The following FAM3A variants were observed in gnomAD, a reference collection of about 807,000 sequenced individuals.
FAM3A encodes protein FAM3A.
Under a neutral mutation model 18.1 loss-of-function variants are expected in FAM3A, and 5 were observed. That is an observed-to-expected ratio of 0.28 (90% CI 0.14 to 0.58). The LOEUF is 0.58. Ranked by LOEUF, FAM3A falls within the 20% of genes least tolerant of loss-of-function variation. FAM3A has a pLI of 0.91. For synonymous variants in FAM3A, 108 were observed against 90.2 expected (o/e 1.20, Z -1.12); for missense variants, 154 against 216.6 (o/e 0.71, Z 1.81).
chrX:154,514,240 C>T (rs1173916428), intron 1 of FAM3A, among the ~76,000 whole-genome samples: 2 of 111,576 alleles, frequency 1.8e-5, no homozygotes, highest in Non-Finnish European at 3.8e-5. Context: ...CCTGTAGTGT[C>T]TTTTTATTTT....
rs368392651 is a variant in FAM3A, at chrX:154,508,336, C to T, written c.287G>A (p.Ser96Asn). The T allele has an allele frequency of 9.9e-7, 1 of 1,014,026 alleles. No individual in the cohort carries two copies. Among genetic ancestry groups the T allele is most frequent in the African/African-American group, 2.4e-5 (1 of 42,202 alleles). 83.6% of individuals were successfully genotyped at this position (1,014,026 alleles called of 1,213,427 possible). The change falls in exon 5 of 9, where the codon AGC (serine) becomes AAC (asparagine). Residue 96 changes from serine (S) to asparagine (N), a missense_variant. Physicochemically the swap from Ser to Asn is conservative, Grantham distance 46 (BLOSUM62 1). This residue lies in a region of FAM3A where 112 missense variants were observed against 160.0 expected (regional missense o/e 0.70). Coordinates refer to ENST00000447601, the MANE Select transcript of FAM3A (RefSeq NM_021806.4). The part of the protein sequence containing the change: ...ICLEDKMLMS[S>N]VKDNVGRGLN... ...CCCGCGGCCCACGTTGTCCTTGACG[C>T]TGCTCATCAGCCTAGTTGGGGGGGG...
chrX:154,507,512 A>G, intron 6 of FAM3A, 22 bp from the exon 7 acceptor site: 1 of 1,192,621 alleles, frequency 8.4e-7, no homozygotes, highest in Middle Eastern at 2.6e-4. Context: ...GGTGCCACGG[A>G]ACAGGGGTCA....
At chrX:154,514,306 C>T (rs912735779) in intron 1 of FAM3A, among the ~76,000 whole-genome samples, 2 of 111,349 alleles carry the variant, frequency 1.8e-5, no homozygotes, top group African/African-American at 3.3e-5. Context: ...TGCAATGGCG[C>T]GATGTCGGCT....
At position 154,508,532 on chromosome X, in the gene FAM3A, G is replaced by A. The variant is rs1384966955; in HGVS notation, c.217C>T (p.Arg73Cys). 6 of 1,204,404 alleles carry A rather than the reference G, an allele frequency of 5.0e-6. No individual in the cohort carries two copies. The highest frequency in any genetic ancestry group is 3.0e-5 in the East Asian group (1 of 33,613). ...ACGTTGGCGGCCCCGCTGACCACGC[G>A]GAAGGCCAGGTGCTCCTCAGGACAC... ...QPCPEEHLAF[R>C]VVSGAANVIG... The change falls in exon 4 of 9, where the codon CGC becomes TGC. Residue 73 changes from arginine to cysteine, a missense_variant. Coordinates refer to ENST00000447601, the MANE Select transcript of FAM3A (RefSeq NM_021806.4).
chrX:154,515,754 A>T lies in FAM3A; in HGVS notation c.13+6T>A. On this transcript the variant is annotated splice_donor_region_variant and intron_variant, in intron 1 of 8. Coordinates refer to ENST00000447601, the MANE Select transcript of FAM3A (RefSeq NM_021806.4). ...CTCCCTCCCGTTCGCTGTGGAAGCC[A>T]CCCACCTGCCAACCTCATGTCCACT... is the stretch of plus-strand genomic sequence containing the variant. The T allele has an allele frequency of 8.3e-7, 1 of 1,210,995 alleles. No homozygotes were observed. The highest frequency in any genetic ancestry group is 1.1e-6 in the Non-Finnish European group (1 of 894,929).
In FAM3A at chrX:154,508,327, T is replaced by C; in HGVS notation, c.296A>G (p.Asp99Gly). The C allele has an allele frequency of 1.1e-6, 1 of 893,975 alleles. No homozygotes were observed. The highest frequency in any genetic ancestry group is 2.5e-5 in the South Asian group (1 of 40,603). The allele number at this position is 893,975 out of a possible 1,213,427, so 73.7% of individuals were successfully genotyped here. ...GATGTTCAGCCCGCGGCCCACGTTG[T>C]CCTTGACGCTGCTCATCAGCCTAGT... is the stretch of plus-strand genomic sequence containing the variant. Reference protein sequence around the residue: ...EDKMLMSSVKDNVGRGLNIAL... With the variant: ...EDKMLMSSVKGNVGRGLNIAL... Residue 99 changes from aspartate to glycine, a missense_variant, in exon 5 of 9, where the codon GAC (aspartate) becomes GGC (glycine). Physicochemically the swap from Asp to Gly is moderately conservative, Grantham distance 94. This residue lies in a region of FAM3A where 112 missense variants were observed against 160.0 expected (regional missense o/e 0.70). Coordinates refer to ENST00000447601, the MANE Select transcript of FAM3A (RefSeq NM_021806.4).
chrX:154,507,001 T>A (rs1462544494), intron 8 of FAM3A, 95 bp from the exon 9 acceptor site: 1 of 921,392 alleles, frequency 1.1e-6, no homozygotes, highest in Non-Finnish European at 1.5e-6. Context: ...CTGTGCTGTG[T>A]TGGCCAACGG....
Position 154,506,916 on chromosome X carries a change from G to A in FAM3A, c.598-10C>T. Reference sequence around the variant, plus strand: ...TACTGTTCTTCACGTGCTGTGGGGAGGGGAGCAGAAAGTCATGACTTTGGC... The same window carrying A: ...TACTGTTCTTCACGTGCTGTGGGGAAGGGAGCAGAAAGTCATGACTTTGGC... On this transcript the variant is annotated splice_polypyrimidine_tract_variant and intron_variant, in intron 8 of 8. Coordinates refer to ENST00000447601, the MANE Select transcript of FAM3A (RefSeq NM_021806.4). The A allele has an allele frequency of 2.5e-6, 3 of 1,197,710 alleles. No homozygotes were observed. Among genetic ancestry groups the A allele is most frequent in the Non-Finnish European group, 3.4e-6 (3 of 883,565 alleles).
At chrX:154,507,116 G>A (rs1175446406) in intron 8 of FAM3A, 87 bp downstream of exon 8, 12 of 1,099,135 alleles carry the variant, frequency 1.1e-5, no homozygotes, top group Non-Finnish European at 1.3e-5. Flanking sequence ...CCCTGCTGGG[G>A]CGTGAGCAGC....
chrX:154,511,145 T>G (rs2069848883), intron 3 of FAM3A: 1 of 110,960 alleles, frequency 9.0e-6, no homozygotes, highest in Non-Finnish European at 1.9e-5. Context: ...TGTGGAAAAT[T>G]CTTGGCCTAA....
rs977254631 is a variant in FAM3A, at chrX:154,516,052, C to T, written c.-280G>A. Reference sequence around the variant, plus strand: ...GGGGCTGGGACGAAGATGTGGTTCTCCTGGGCTCGGGCCGTTCCTCCGGGC... The same window carrying T: ...GGGGCTGGGACGAAGATGTGGTTCTTCTGGGCTCGGGCCGTTCCTCCGGGC... On this transcript the variant is annotated 5_prime_UTR_variant, in exon 1 of 9. Transcript: ENST00000447601. The T allele has an allele frequency of 8.4e-5, 29 of 346,312 alleles. No homozygotes were observed. The highest frequency in any genetic ancestry group is 2.5e-5 in the Non-Finnish European group (5 of 199,586). The allele number at this position is 346,312 out of a possible 1,213,427, so 28.5% of individuals were successfully genotyped here. A position where few individuals can be genotyped will look rare whatever the true frequency, so the allele number is the denominator to read the frequency against.
chrX:154,513,756 G>A (rs782726203), intron 1 of FAM3A, among the ~76,000 whole-genome samples: 33 of 110,811 alleles, frequency 3.0e-4, no homozygotes, highest in Non-Finnish European at 5.9e-4. Context: ...TCTCTAGTTC[G>A]CTCTTTCTCC....
At position 154,507,394 on chromosome X, in the gene FAM3A, C is replaced by T. The variant is rs2069604464; in HGVS notation, c.470+12G>A. The T allele has an allele frequency of 1.7e-6, 2 of 1,211,633 alleles. No individual in the cohort carries two copies. The highest frequency in any genetic ancestry group is 5.9e-5 in the East Asian group (2 of 33,851). On this transcript the variant is annotated intron_variant, in intron 7 of 8. Coordinates refer to ENST00000447601, the MANE Select transcript of FAM3A (RefSeq NM_021806.4). ...AAGGGCAAGGCTGAGGCTGGCCTCCCCAAGCACCTACTTGGTGGCTGGGTC... is the reference window on the plus strand; with the variant it reads ...AAGGGCAAGGCTGAGGCTGGCCTCCTCAAGCACCTACTTGGTGGCTGGGTC...
intron 8 of FAM3A, 57 bp downstream of exon 8, chrX:154,507,146 C>T (rs782777380): frequency 6.0e-5 from 69 of 1,158,906 alleles, no homozygotes; most frequent in Non-Finnish European, 7.6e-5. Flanking sequence ...TCGTCGCATG[C>T]AGGCAGAAGG....
rs1557223693 is a variant in FAM3A at position 154,512,879 on chromosome X, C to T, written c.71G>A (p.Ser24Asn). 2 of 1,211,512 alleles carry T rather than the reference C, an allele frequency of 1.7e-6. No homozygotes were observed. The change falls in exon 2 of 9, where the codon AGC (serine) becomes AAC (asparagine). Residue 24 changes from serine to asparagine, a missense_variant. By Grantham distance (46) the Ser-to-Asn change is conservative. Around this residue, in one of 3 missense-constraint regions of FAM3A, gnomAD observed 112 missense variants for 160.0 expected, o/e 0.70. Transcript: ENST00000447601. ...VSVGVTWIVVSILLGGPGSGF... is the reference protein window; with the variant it reads ...VSVGVTWIVVNILLGGPGSGF... Reference sequence around the variant, plus strand: ...ACTGCCAGGCCCACCCAGGAGGATGCTGACCACGATCCATGTGACACCCAC... The same window carrying T: ...ACTGCCAGGCCCACCCAGGAGGATGTTGACCACGATCCATGTGACACCCAC...
Position 154,515,888 on chromosome X carries a change from C to T in FAM3A, c.-116G>A. ...GCCTGTGCGGGACCCCTGCTGGGGG[C>T]GGGCGCGATCGGTGCTACGACCTGT... On this transcript the variant is annotated 5_prime_UTR_variant, in exon 1 of 9. Transcript: ENST00000447601. The T allele has an allele frequency of 2.9e-6, 2 of 681,063 alleles. No individual in the cohort carries two copies. The allele number at this position is 681,063 out of a possible 1,213,427, so 56.1% of individuals were successfully genotyped here.
chrX:154,514,847 C>T lies in FAM3A; in HGVS notation c.13+913G>A, dbSNP rs782568798. Among the ~76,000 whole-genome samples, 3 of 111,744 alleles carry T rather than the reference C, an allele frequency of 2.7e-5. No homozygotes were observed. The South Asian group carries it at 1.1e-3, about 41-fold the overall frequency. ...TACAGGCGTGAGCCACTGCGCCCAG[C>T]TGTCTTTACTTTTTTGAGACGGAGT... On this transcript the variant is annotated intron_variant, in intron 1 of 8. Transcript: ENST00000447601.
chrX:154,508,363 TGGGGGGGAC>T lies in FAM3A; in HGVS notation c.276-25_276-17del. ...GCTCATCAGCCTAGTTGGGGGGGGG[TGGGGGGGAC>T]GGGGAGATCCCACATGGGCACGTCT... On this transcript the variant is annotated splice_polypyrimidine_tract_variant and intron_variant, in intron 4 of 8. Coordinates refer to ENST00000447601, the MANE Select transcript of FAM3A (RefSeq NM_021806.4). 4.7e-6 allele frequency: 1 copy of T among 211,423 alleles called. No homozygotes were observed. Among genetic ancestry groups the T allele is most frequent in the Non-Finnish European group, 7.8e-6 (1 of 127,397 alleles). The allele number at this position is 211,423 out of a possible 1,213,427, so 17.4% of individuals were successfully genotyped here.
chrX:154,513,649 A>G (rs2070018843), intron 1 of FAM3A, among the ~76,000 whole-genome samples: 1 of 109,114 alleles, frequency 9.2e-6, no homozygotes, highest in African/African-American at 3.3e-5. Context: ...CAAAAACAAA[A>G]CAAAACAAAA....
Sources: gnomAD v4.1 joint callset for allele counts (sites outside exome capture counted in the v4.1 genomes callset) on GRCh38, gnomAD v4.1.1 for gene constraint, gnomAD v4.1.1 regional missense constraint, MANE v1.5 for transcripts, NCBI Gene and HGNC (gene_info 2026-07-23, HGNC 2026-07-21) for gene names.